Variants in OXSR1 observed in about 807,000 individuals in gnomAD.
OXSR1 encodes the protein serine/threonine-protein kinase OSR1.
A neutral mutation model predicts 79.8 loss-of-function variants in OXSR1; 24 were observed. The ratio of observed to expected loss-of-function variants is 0.30; its 90% CI spans 0.22 to 0.42. The LOEUF is 0.42. OXSR1 is among the 10% of genes least tolerant of loss of function. The probability of loss-of-function intolerance (pLI) is 1.00; values close to 1 mark genes in which losing one functional copy is unlikely to be tolerated. For missense variants in OXSR1, 430 were observed against 618.4 expected, an observed-to-expected ratio of 0.70 and a Z score of 3.23; for synonymous variants, 226 against 209.2, an observed-to-expected ratio of 1.08 and a Z score of -0.69.
At chr3:38,193,918 T>C (rs533762848) in intron 3 of OXSR1, among the ~76,000 whole-genome samples, 25 of 152,346 alleles carry the variant, frequency 1.6e-4, no homozygotes, top group African/African-American at 6.0e-4. Flanking sequence ...TGCATTTTTT[T>C]AGGAAAATGA....
chr3:38,246,399 C>T (rs967372250), intron 13 of OXSR1, among the ~76,000 whole-genome samples, 178 bp downstream of exon 13: 7 of 152,148 alleles, frequency 4.6e-5, no homozygotes, highest in South Asian at 2.1e-4. Context: ...ACAAGGATCA[C>T]ATGCAGGTTT....
intron 2 of OXSR1, among the ~76,000 whole-genome samples, chr3:38,189,102 T>G (rs1701937831): frequency 6.6e-6 from 1 of 152,180 alleles, no homozygotes; most frequent in African/African-American, 2.4e-5. Flanking sequence ...CATATGTACC[T>G]ATCATCTTGT....
At chr3:38,230,459 G>C (rs1702782161) in intron 10 of OXSR1, 29 bp downstream of exon 10, 1 of 1,469,596 alleles carries the variant, frequency 6.8e-7, no homozygotes, top group African/African-American at 1.4e-5. Flanking sequence ...CAGTTTTCCT[G>C]AAGAATTTAC....
chr3:38,227,845 T>C (rs887999989), intron 8 of OXSR1, among the ~76,000 whole-genome samples: 2 of 152,160 alleles, frequency 1.3e-5, no homozygotes, highest in Non-Finnish European at 2.9e-5. Flanking sequence ...CTACTGAGGA[T>C]TAGCAGGTAG....
chr3:38,198,357 G>T (rs1339529939), intron 3 of OXSR1, among the ~76,000 whole-genome samples: 2 of 152,074 alleles, frequency 1.3e-5, no homozygotes, highest in African/African-American at 4.8e-5. Context: ...ATACAGCAGT[G>T]CATATTCTAA....
At chr3:38,220,553 T>C (rs1009294836) in intron 5 of OXSR1, among the ~76,000 whole-genome samples, 2 of 152,196 alleles carry the variant, frequency 1.3e-5, no homozygotes, top group African/African-American at 4.8e-5. Context: ...TTTGGTTGTA[T>C]TGGAAATTAT....
intron 1 of OXSR1, among the ~76,000 whole-genome samples, chr3:38,175,514 T>G (rs1173145731): frequency 1.3e-5 from 2 of 152,206 alleles, no homozygotes; most frequent in Non-Finnish European, 2.9e-5. Flanking sequence ...TTGGCCAGGC[T>G]GGTCTCAAAC....
At chr3:38,211,774 C>G (rs919061456) in intron 4 of OXSR1, among the ~76,000 whole-genome samples, 1 of 152,192 alleles carries the variant, frequency 6.6e-6, no homozygotes, top group African/African-American at 2.4e-5. Flanking sequence ...ACTGCTCTGC[C>G]TCTTAAGTGT....
chr3:38,219,385 C>T (rs1261614028), intron 5 of OXSR1, among the ~76,000 whole-genome samples: 7 of 152,090 alleles, frequency 4.6e-5, no homozygotes, highest in East Asian at 1.9e-4. Context: ...GTTGTATATA[C>T]ATAAGTTGTT....
intron 5 of OXSR1, among the ~76,000 whole-genome samples, chr3:38,217,338 A>G (rs1231491403): frequency 6.6e-6 from 1 of 152,214 alleles, no homozygotes; most frequent in Non-Finnish European, 1.5e-5. Flanking sequence ...TGGTACAACC[A>G]TTTCATTACA....
At chr3:38,188,149 G>A (rs1345113734) in intron 2 of OXSR1, among the ~76,000 whole-genome samples, 3 of 151,914 alleles carry the variant, frequency 2.0e-5, no homozygotes, top group Non-Finnish European at 2.9e-5. Context: ...ACCCTTTGTA[G>A]TACTCCCCTT....
chr3:38,183,503 A>G (rs1042196623), intron 2 of OXSR1, among the ~76,000 whole-genome samples: 10 of 152,188 alleles, frequency 6.6e-5, no homozygotes, highest in African/African-American at 2.2e-4. Context: ...TTTATTAACT[A>G]TGATATTTGC....
intron 12 of OXSR1, among the ~76,000 whole-genome samples, chr3:38,244,671 G>GTGTGTGTGTGTGCGCGCA (rs759128810): frequency 8.4e-6 from 1 of 118,380 alleles, no homozygotes; most frequent in Non-Finnish European, 1.7e-5. Flanking sequence ...GTGTGTGCGT[G>GTGTGTGTGTGTGCGCGCA]CGCATGTACC....
At chr3:38,221,833 TGAAAA>T (rs1702596972) in intron 6 of OXSR1, 146 bp downstream of exon 6, 1 of 513,468 alleles carries the variant, frequency 1.9e-6, no homozygotes, top group Non-Finnish European at 3.6e-6. Context: ...AGTCCACCCT[TGAAAA>T]GAAAACAACA....
Position 38,230,410 on chromosome 3 carries a change from A to G in OXSR1, c.931A>G (p.Ile311Val). The change falls in exon 10 of 18, where the codon ATT (isoleucine) becomes GTT (valine). Residue 311 changes from isoleucine (I) to valine (V), a missense_variant. Transcript: ENST00000311806. ...AAAAACATTGCAGAGAGCACCAACC[A>G]TTTCTGAAAGAGCAAAAAAGGTAAA... The part of the protein sequence containing the change: ...QEKTLQRAPT[I>V]SERAKKVRRV... 1.9e-6 allele frequency: 3 copies of G among 1,602,174 alleles called. No individual in the cohort carries two copies. Among genetic ancestry groups the G allele is most frequent in the Non-Finnish European group, 2.6e-6 (3 of 1,170,360 alleles).
At chr3:38,249,825 G>A (rs1252564385) in intron 14 of OXSR1, 141 bp from the exon 15 acceptor site, 2 of 633,340 alleles carry the variant, frequency 3.2e-6, no homozygotes, top group East Asian at 2.9e-5. Context: ...GCTCTGCAGT[G>A]TGAACATATC....
intron 10 of OXSR1, among the ~76,000 whole-genome samples, chr3:38,230,979 T>G (rs537942537): frequency 3.9e-5 from 6 of 152,300 alleles, no homozygotes; most frequent in African/African-American, 1.4e-4. Context: ...CTCTTACTTC[T>G]CTGCTCAAGC....
Position 38,224,669 on chromosome 3 carries a change from G to C in OXSR1, c.801G>C (p.Met267Ile). The stretch of plus-strand genomic sequence containing the variant: ...AATATGGAAAATCATTTAGAAAAAT[G>C]ATTTCATTGTGCCTTCAAAAAGATC... ...LKKYGKSFRK[M>I]ISLCLQKDPE... The change falls in exon 8 of 18, where the codon ATG (methionine) becomes ATC (isoleucine). Residue 267 changes from methionine (M) to isoleucine (I), a missense_variant. By Grantham distance (10) the Met-to-Ile change is conservative. Transcript: ENST00000311806. The C allele has an allele frequency of 6.3e-7, 1 of 1,585,724 alleles. No homozygotes were observed. Among genetic ancestry groups the C allele is most frequent in the Non-Finnish European group, 8.6e-7 (1 of 1,164,082 alleles).
intron 10 of OXSR1, among the ~76,000 whole-genome samples, chr3:38,231,835 A>G (rs1001080047): frequency 2.0e-5 from 3 of 152,194 alleles, no homozygotes; most frequent in Admixed American, 6.5e-5. Context: ...AGTTGGGTGC[A>G]GTGGCTCATG....
Sources: gnomAD v4.1 joint callset for allele counts (sites outside exome capture counted in the v4.1 genomes callset) on GRCh38, gnomAD v4.1.1 for gene constraint, MANE v1.5 for transcripts, NCBI Gene and HGNC (gene_info 2026-07-23, HGNC 2026-07-21) for gene names.